CHUK: variants seen among roughly 807,000 people sequenced by gnomAD.
CHUK encodes the protein inhibitor of nuclear factor kappa-B kinase subunit alpha.
A neutral mutation model predicts 104.8 loss-of-function variants in CHUK; 35 were observed. The ratio of observed to expected loss-of-function variants is 0.33; its 90% confidence interval spans 0.26 to 0.44. The LOEUF (loss-of-function observed/expected upper bound fraction) is 0.44, where lower values mean the gene tolerates loss of function less well. Ranked by LOEUF, CHUK falls within the 20% of genes least tolerant of loss-of-function variation. CHUK has a pLI of 1.00. For missense variants in CHUK, 663 were observed against 902.7 expected, an observed-to-expected ratio of 0.73 and a Z score of 3.40; for synonymous variants, 276 against 291.9, an observed-to-expected ratio of 0.95 and a Z score of 0.56.
intron 13 of CHUK, among the ~76,000 whole-genome samples, chr10:100,203,214 G>A (rs1450622044): frequency 6.6e-6 from 1 of 152,070 alleles, no homozygotes; most frequent in African/African-American, 2.4e-5. Context: ...TCCCTCACAA[G>A]TGAAAACATC....
chr10:100,225,984 G>C lies in CHUK; in HGVS notation c.139C>G (p.Arg47Gly). ...LDLKIAIKSC[R>G]LELSTKNRER... Reference sequence around the variant, plus strand: ...CTGTTTTTGGTACTTAGCTCTAGGCGACAAGACTTAATTGCTATTTTGAGA... The same window carrying C: ...CTGTTTTTGGTACTTAGCTCTAGGCCACAAGACTTAATTGCTATTTTGAGA... Residue 47 changes from arginine (R) to glycine (G), a missense_variant, in exon 2 of 21, where the codon CGC becomes GGC. By Grantham distance (125) the Arg-to-Gly change is moderately radical. Around this residue, in one of 5 missense-constraint regions of CHUK, gnomAD observed 200 missense variants for 333.0 expected, o/e 0.60. Coordinates refer to ENST00000370397, the MANE Select transcript of CHUK (RefSeq NM_001278.5). The C allele has an allele frequency of 6.2e-7, 1 of 1,608,152 alleles. No individual in the cohort carries two copies. The highest frequency in any genetic ancestry group is 8.5e-7 in the Non-Finnish European group (1 of 1,174,944).
At chr10:100,193,252 C>T (rs745349924) in intron 19 of CHUK, 46 bp downstream of exon 19, 1 of 1,604,960 alleles carries the variant, frequency 6.2e-7, no homozygotes. Flanking sequence ...ATTCCTATAC[C>T]ACTGCTATGA....
chr10:100,193,700 A>C, intron 18 of CHUK: 1 of 594,112 alleles, frequency 1.7e-6, no homozygotes, highest in Non-Finnish European at 3.0e-6. Flanking sequence ...ATAGATGGTC[A>C]ATTTCATTAT....
In CHUK at chr10:100,229,586, G is replaced by C. The variant is rs537205281; in HGVS notation, c.-54C>G. The C allele has an allele frequency of 3.5e-6, 4 of 1,136,652 alleles. No homozygotes were observed. Among genetic ancestry groups the C allele is most frequent in the African/African-American group, 1.6e-5 (1 of 64,356 alleles). The allele number at this position is 1,136,652 out of a possible 1,614,324, so 70.4% of individuals were successfully genotyped here. ...CCACAGTTGTTCCAAGGCCGGTTCC[G>C]GGCCGCCGATGCTCGCGCGTCTTTG... On this transcript the variant is annotated 5_prime_UTR_variant, in exon 1 of 21. Transcript: ENST00000370397.
intron 14 of CHUK, among the ~76,000 whole-genome samples, 173 bp from the exon 15 acceptor site, chr10:100,200,953 A>T (rs1845447452): frequency 6.6e-6 from 1 of 152,182 alleles, no homozygotes; most frequent in Admixed American, 6.5e-5. Flanking sequence ...TCTGACACTT[A>T]ATCTTTCACA....
chr10:100,224,209 C>T (rs536976590), intron 2 of CHUK, among the ~76,000 whole-genome samples: 9 of 152,142 alleles, frequency 5.9e-5, no homozygotes, highest in African/African-American at 1.7e-4. Context: ...GCCCACATGG[C>T]GAAGAACTGA....
rs199743020 is a variant in CHUK, at chr10:100,209,763, A to G, written c.960T>C (p.Ser320=). ...LKIVHILNMT[S]AKIISFLLPP... is the part of the protein sequence containing the mutation. ...GTAACAGAAAAGAAATTATCTTTGC[A>G]GAAGTCATATTTAGGATGTGTACTA... Residue 320 remains serine, a synonymous_variant, in exon 10 of 21, where the codon TCT becomes TCC. Transcript: ENST00000370397. 1.0e-5 allele frequency: 15 copies of G among 1,491,554 alleles called. No homozygotes were observed. The East Asian group carries it at 3.4e-4, about 34-fold the overall frequency. 92.4% of individuals were successfully genotyped at this position (1,491,554 alleles called of 1,614,324 possible).
chr10:100,214,130 G>C (rs573891789), intron 9 of CHUK, among the ~76,000 whole-genome samples: 8 of 152,128 alleles, frequency 5.3e-5, no homozygotes, highest in Admixed American at 6.5e-5. Context: ...CAGGATATTA[G>C]AGTATGTCAT....
chr10:100,213,994 T>C (rs1845795545), intron 9 of CHUK, among the ~76,000 whole-genome samples: 1 of 152,194 alleles, frequency 6.6e-6, no homozygotes, highest in Non-Finnish European at 1.5e-5. Context: ...TCAAAACTGA[T>C]ACGGATTTGC....
Position 100,229,452 on chromosome 10 carries a change from C to G in CHUK, c.81G>C (p.Gly27=). 6.2e-7 allele frequency: 1 copy of G among 1,600,760 alleles called. No individual in the cohort carries two copies. Among genetic ancestry groups the G allele is most frequent in the Non-Finnish European group, 8.5e-7 (1 of 1,177,230 alleles). Residue 27 remains glycine, a synonymous_variant, in exon 1 of 21, where the codon GGG becomes GGC. Coordinates refer to ENST00000370397, the MANE Select transcript of CHUK (RefSeq NM_001278.5). ...MRERLGTGGF[G]NVCLYQHREL... is the part of the protein sequence containing the mutation. ...CCCGATGCTGGTACAGACAGACGTT[C>G]CCGAAGCCGCCGGTGCCCAGCCGCT...
Position 100,219,032 on chromosome 10 carries a change from A to G in CHUK, c.665T>C (p.Leu222Ser). 6.2e-7 allele frequency: 1 copy of G among 1,613,786 alleles called. No individual in the cohort carries two copies. The highest frequency in any genetic ancestry group is 1.1e-5 in the South Asian group (1 of 91,076). Residue 222 changes from leucine to serine, a missense_variant, in exon 7 of 21, where the codon TTG (leucine) becomes TCG (serine). Physicochemically the swap from Leu to Ser is moderately radical, Grantham distance 145. This residue lies in a region of CHUK where 200 missense variants were observed against 333.0 expected (regional missense o/e 0.60). Transcript: ENST00000370397. ...CCAGGTAAATGGCTGCAGATGATGC[A>G]AAAAAGGCCTATATCCAGCAATACA... ...FECIAGYRPF[L>S]HHLQPFTWHE...
chr10:100,219,811 C>G lies in CHUK; in HGVS notation c.475-452G>C, dbSNP rs763593929. On this transcript the variant is annotated intron_variant, in intron 5 of 20. Coordinates refer to ENST00000370397, the MANE Select transcript of CHUK (RefSeq NM_001278.5). The stretch of plus-strand genomic sequence containing the variant: ...ATTAAATGTGAGTAAATACTTAGAT[C>G]TAACTTCAGGAATGTCCTGAAGTCT... 2.0e-5 allele frequency among the ~76,000 whole-genome samples: 3 copies of G among 151,450 alleles called. No homozygotes were observed. The East Asian group carries it at 5.8e-4, about 29-fold the overall frequency.
intron 9 of CHUK, among the ~76,000 whole-genome samples, chr10:100,214,422 T>A (rs1845805792): frequency 6.6e-6 from 1 of 152,188 alleles, no homozygotes; most frequent in African/African-American, 2.4e-5. Context: ...ATAGGTGTTA[T>A]AATCAGTGTA....
At chr10:100,200,075 A>C (rs918629052) in intron 15 of CHUK, 55 bp from the exon 16 acceptor site, 3 of 1,244,642 alleles carry the variant, frequency 2.4e-6, no homozygotes, top group Non-Finnish European at 3.6e-6. Flanking sequence ...GACTTCAATA[A>C]TCTACAACTT....
rs761293300 is a variant in CHUK at position 100,200,779 on chromosome 10, A to G, written c.1571T>C (p.Val524Ala). 9 of 1,523,232 alleles carry G rather than the reference A, an allele frequency of 5.9e-6. No individual in the cohort carries two copies. The highest frequency in any genetic ancestry group is 2.3e-5 in the East Asian group (1 of 44,432). 94.4% of individuals were successfully genotyped at this position (1,523,232 alleles called of 1,614,324 possible). The change falls in exon 15 of 21, where the codon GTT becomes GCT. Residue 524 changes from valine to alanine, a missense_variant and splice_region_variant. Val to Ala is a moderately conservative substitution (Grantham distance 64). Around this residue, in one of 5 missense-constraint regions of CHUK, gnomAD observed 311 missense variants for 393.4 expected, o/e 0.79. Coordinates refer to ENST00000370397, the MANE Select transcript of CHUK (RefSeq NM_001278.5). ...MEEKAIHYAE[V>A]GVIGYLEDQI... ...ATCCTCCAGGTATCCAATGACACCA[A>G]CCTAAAATATGATGAAAATACAAAG... is the stretch of plus-strand genomic sequence containing the variant.
intron 16 of CHUK, chr10:100,195,748 C>T (rs1386121526): frequency 6.6e-6 from 1 of 152,088 alleles, no homozygotes; most frequent in East Asian, 1.9e-4. Flanking sequence ...TATAATAGGC[C>T]CCAATGACAG....
downstream of CHUK, chr10:100,188,145 G>A (rs1454976340): frequency 1.3e-5 from 2 of 152,308 alleles, no homozygotes; most frequent in East Asian, 3.9e-4. Flanking sequence ...CAAGAATCGA[G>A]CATGTTTTTT....
At chr10:100,208,779 G>T (rs1288555825) in intron 10 of CHUK, among the ~76,000 whole-genome samples, 9 of 36,366 alleles carry the variant, frequency 2.5e-4, no homozygotes, top group African/African-American at 1.8e-3. Context: ...GAGCAAGACT[G>T]TCTAAAAAAA....
intron 13 of CHUK, 26 bp from the exon 14 acceptor site, chr10:100,202,175 T>C: frequency 6.6e-7 from 1 of 1,506,690 alleles, no homozygotes; most frequent in African/African-American, 1.4e-5. Flanking sequence ...AAATTGGTTA[T>C]CTCAGAAATA....
Sources: gnomAD v4.1 joint callset for allele counts (sites outside exome capture counted in the v4.1 genomes callset) on GRCh38, gnomAD v4.1.1 for gene constraint, gnomAD v4.1.1 regional missense constraint, MANE v1.5 for transcripts, NCBI Gene and HGNC (gene_info 2026-07-23, HGNC 2026-07-21) for gene names.